The following KIF15 variants were observed in gnomAD, a reference collection of about 807,000 sequenced individuals.
KIF15 encodes kinesin-like protein KIF15.
Under a neutral mutation model 190.6 loss-of-function variants are expected in KIF15, and 140 were observed. That is an observed-to-expected ratio of 0.73 (90% CI 0.64 to 0.84). The LOEUF is 0.84. Ranked by LOEUF, KIF15 falls within the 40% of genes least tolerant of loss-of-function variation. The pLI is 0.00. For synonymous variants in KIF15, 528 were observed against 551.3 expected (o/e 0.96, Z 0.59); for missense variants, 1,372 against 1,584.4 (o/e 0.87, Z 2.28).
At chr3:44,786,600 G>C (rs1445043713) in intron 7 of KIF15, 26 bp downstream of exon 7, 2 of 1,570,756 alleles carry the variant, frequency 1.3e-6, no homozygotes, top group Admixed American at 1.8e-5. Context: ...TACTTAATTG[G>C]TGCTTAGGCA....
intron 30 of KIF15, among the ~76,000 whole-genome samples, chr3:44,843,941 G>T (rs752285636): frequency 6.6e-6 from 1 of 152,180 alleles, no homozygotes; most frequent in South Asian, 2.1e-4. Flanking sequence ...GTGTTTGGTA[G>T]CAGGTGTCAG....
chr3:44,865,976 C>T (rs1269403343), intron 6 of KIF15, among the ~76,000 whole-genome samples: 1 of 152,118 alleles, frequency 6.6e-6, no homozygotes, highest in Non-Finnish European at 1.5e-5. Context: ...TTCCCTGCCA[C>T]TCTGTTCCTC....
At position 44,803,608 on chromosome 3, in the gene KIF15, C is replaced by T. The variant is rs977361382; in HGVS notation, c.1687+617C>T. 6.6e-5 allele frequency among the ~76,000 whole-genome samples: 10 copies of T among 152,310 alleles called. No individual in the cohort carries two copies. The East Asian group carries it at 1.2e-3, about 18-fold the overall frequency. On this transcript the variant is annotated intron_variant, in intron 14 of 34. Coordinates refer to ENST00000326047, the MANE Select transcript of KIF15 (RefSeq NM_020242.3). ...TTGGTAACAAAGTCTGTGTTTGCCC[C>T]AGTCTTAGAGTTAATATTTTCACGG...
At chr3:44,817,748 T>C (rs557921796) in intron 20 of KIF15, among the ~76,000 whole-genome samples, 1 of 152,220 alleles carries the variant, frequency 6.6e-6, no homozygotes, top group Non-Finnish European at 1.5e-5. Context: ...ACATATGAAC[T>C]TTAAAGTAGT....
chr3:44,841,178 C>T lies in KIF15; in HGVS notation c.3525C>T (p.His1175=). The T allele has an allele frequency of 6.2e-7, 1 of 1,612,988 alleles. No homozygotes were observed. Among genetic ancestry groups the T allele is most frequent in the Non-Finnish European group, 8.5e-7 (1 of 1,179,228 alleles). ...DGRASKTSLE[H]LVTKLNEDRE... Reference sequence around the variant, plus strand: ...GAGCCTCTAAGACTTCTTTGGAACACCTTGTAACAAAGCTAAATGAAGACA... The same window carrying T: ...GAGCCTCTAAGACTTCTTTGGAACATCTTGTAACAAAGCTAAATGAAGACA... The change falls in exon 29 of 35, where the codon CAC becomes CAT. Residue 1175 remains histidine (H), a synonymous_variant. Coordinates refer to ENST00000326047, the MANE Select transcript of KIF15 (RefSeq NM_020242.3).
chr3:44,778,152 A>C lies in KIF15; in HGVS notation c.284A>C (p.Glu95Ala). The C allele has an allele frequency of 6.2e-7, 1 of 1,614,026 alleles. No individual in the cohort carries two copies. The highest frequency in any genetic ancestry group is 8.5e-7 in the Non-Finnish European group (1 of 1,179,866). The change falls in exon 4 of 35, where the codon GAG becomes GCG. Residue 95 changes from glutamate (E) to alanine (A), a missense_variant. Coordinates refer to ENST00000326047, the MANE Select transcript of KIF15 (RefSeq NM_020242.3). ...GCAACTGTGGCTAAAAGCATTGTGG[A>C]GTCTTGCATGAGCGGTTATAATGGT... ...VFATVAKSIV[E>A]SCMSGYNGTI...
At chr3:44,764,105 T>C (rs991023528) in intron 1 of KIF15, among the ~76,000 whole-genome samples, 1 of 152,226 alleles carries the variant, frequency 6.6e-6, no homozygotes, top group Non-Finnish European at 1.5e-5. Context: ...TTTAAAAGAC[T>C]TACTGTTTTG....
chr3:44,813,249 TAATA>T (rs762602977), intron 19 of KIF15, 69 bp downstream of exon 19: 3 of 865,408 alleles, frequency 3.5e-6, no homozygotes, highest in East Asian at 5.5e-5. Context: ...TTACTTTTAT[TAATA>T]AATGCTGTTC....
rs891820153 is a variant in KIF15, at chr3:44,864,440, A to G, written c.*60-8889A>G. 1.3e-4 allele frequency: 198 copies of G among 1,489,586 alleles called. 1 individual carries two copies. The highest frequency in any genetic ancestry group is 8.9e-4 in the Middle Eastern group (5 of 5,612). 92.3% of individuals were successfully genotyped at this position (1,489,586 alleles called of 1,614,324 possible). On this transcript the variant is annotated intron_variant and NMD_transcript_variant, in intron 6 of 6. Transcript: ENST00000422209. ...TCCTTTCCCAGACAGGAGAAAGGAC[A>G]GGAACTGAAGCAGAGGTTGGGCTGT...
intron 30 of KIF15, among the ~76,000 whole-genome samples, chr3:44,843,939 TA>T: frequency 6.6e-6 from 1 of 152,332 alleles, no homozygotes; most frequent in African/African-American, 2.4e-5. Context: ...CAGTGTTTGG[TA>T]GCAGGTGTCA....
intron 16 of KIF15, among the ~76,000 whole-genome samples, chr3:44,807,397 G>A (rs1352599175): frequency 6.6e-6 from 1 of 151,836 alleles, no homozygotes; most frequent in Non-Finnish European, 1.5e-5. Context: ...GCTGATTTTT[G>A]TATTTTTAGT....
At chr3:44,867,391 G>A (rs1699332901) in intron 6 of KIF15, among the ~76,000 whole-genome samples, 1 of 152,242 alleles carries the variant, frequency 6.6e-6, no homozygotes, top group South Asian at 2.1e-4. Context: ...CAGTGAAGAA[G>A]CTGAAGGATA....
intron 30 of KIF15, among the ~76,000 whole-genome samples, chr3:44,844,088 G>A (rs923653975): frequency 2.0e-5 from 3 of 152,156 alleles, no homozygotes; most frequent in African/African-American, 4.8e-5. Context: ...TGGGATCTCC[G>A]AGATAGAAGC....
intron 1 of KIF15, among the ~76,000 whole-genome samples, chr3:44,770,818 C>T (rs1705608888): frequency 6.6e-6 from 1 of 152,152 alleles, no homozygotes; most frequent in African/African-American, 2.4e-5. Flanking sequence ...ATACCTTACT[C>T]AATTATTAAA....
intron 1 of KIF15, among the ~76,000 whole-genome samples, chr3:44,773,894 C>T (rs141557236): frequency 6.4e-4 from 97 of 152,208 alleles, no homozygotes; most frequent in Non-Finnish European, 8.2e-4. Context: ...ATTAAAAGAA[C>T]GCTCTCAATG....
intron 6 of KIF15, among the ~76,000 whole-genome samples, chr3:44,860,752 C>A (rs149924842): frequency 6.6e-6 from 1 of 152,104 alleles, no homozygotes; most frequent in African/African-American, 2.4e-5. Context: ...TAAAAACTTG[C>A]TAAACAGAAG....
intron 3 of KIF15, 142 bp from the exon 4 acceptor site, chr3:44,777,973 T>A: frequency 1.5e-6 from 1 of 680,494 alleles, no homozygotes; most frequent in South Asian, 1.7e-5. Flanking sequence ...AGTTGAATCA[T>A]CTTAGATAGT....
intron 20 of KIF15, among the ~76,000 whole-genome samples, chr3:44,820,928 C>T (rs1481269936): frequency 7.4e-4 from 104 of 141,238 alleles, no homozygotes; most frequent in Middle Eastern, 9.3e-3. Flanking sequence ...TAGGGGCGGC[C>T]GGGCAGAGGC....
chr3:44,795,577 G>A (rs1283447738), intron 8 of KIF15, among the ~76,000 whole-genome samples: 1 of 152,100 alleles, frequency 6.6e-6, no homozygotes, highest in Non-Finnish European at 1.5e-5. Flanking sequence ...GACCACTTAC[G>A]CTGTTTAATA....
Sources: allele counts gnomAD v4.1 joint callset (sites outside exome capture counted in the v4.1 genomes callset), GRCh38; gene constraint gnomAD v4.1.1; transcripts MANE v1.5; gene names NCBI Gene and HGNC (gene_info 2026-07-23, HGNC 2026-07-21).